RBFOX1: variants seen among roughly 807,000 people sequenced by gnomAD.
RBFOX1 encodes RNA binding protein fox-1 homolog 1.
A neutral mutation model predicts 57.7 loss-of-function variants in RBFOX1; 8 were observed. That is an observed-to-expected ratio of 0.14 (90% CI 0.08 to 0.25). The LOEUF is 0.25. Ranked by LOEUF, RBFOX1 falls within the 10% of genes least tolerant of loss-of-function variation. RBFOX1 has a pLI of 1.00. For missense variants in RBFOX1, 611 were observed against 548.5 expected (o/e 1.11, Z -1.14); for synonymous variants, 326 against 222.4 (o/e 1.47, Z -4.15).
chr16:7,000,596 C>CTTTTTTTTTTTTTTTTTTTTTTTTTT (rs759103545), intron 3 of RBFOX1, among the ~76,000 whole-genome samples: 37 of 92,592 alleles, frequency 4.0e-4, no homozygotes, highest in African/African-American at 5.1e-4. Context: ...CTTTTTCTTT[C>CTTTTTTTTTTTTTTTTTTTTTTTTTT]TTTTTTTTTT....
intron 5 of RBFOX1, among the ~76,000 whole-genome samples, chr16:7,543,481 G>GA (rs147011060): frequency 4.5e-4 from 69 of 152,278 alleles, no homozygotes; most frequent in Non-Finnish European, 8.7e-4. Context: ...AAAACTCCTG[G>GA]ATAAAGGTGA....
intron 4 of RBFOX1, among the ~76,000 whole-genome samples, chr16:7,148,058 C>G (rs1233499529): frequency 2.0e-5 from 3 of 152,154 alleles, no homozygotes; most frequent in East Asian, 1.9e-4. Context: ...TTCTCTTTAG[C>G]AGAACACTCA....
At chr16:6,011,432 G>C (rs990332762) in intron 4 of RBFOX1, among the ~76,000 whole-genome samples, 4 of 151,964 alleles carry the variant, frequency 2.6e-5, no homozygotes, top group Admixed American at 6.6e-5. Context: ...GGGTATATCA[G>C]ACTGTTAAAG....
chr16:6,994,720 A>G (rs190077561), intron 3 of RBFOX1, among the ~76,000 whole-genome samples: 168 of 152,326 alleles, frequency 1.1e-3, no homozygotes, highest in Middle Eastern at 3.4e-3. Context: ...TCCTGAAGCT[A>G]TCATATTCCA....
At chr16:5,928,491 A>C (rs1405835470) in intron 4 of RBFOX1, among the ~76,000 whole-genome samples, 1 of 152,162 alleles carries the variant, frequency 6.6e-6, no homozygotes, top group Non-Finnish European at 1.5e-5. Flanking sequence ...GGATGTATCA[A>C]AACATCATGT....
chr16:5,521,350 G>C (rs539518652), intron 2 of RBFOX1, among the ~76,000 whole-genome samples: 3 of 117,212 alleles, frequency 2.6e-5, no homozygotes, highest in East Asian at 4.9e-4. Context: ...AGCTTTTGCT[G>C]TTGGGGGTGG....
chr16:7,307,417 T>C (rs1412053028), intron 4 of RBFOX1, among the ~76,000 whole-genome samples: 1 of 152,246 alleles, frequency 6.6e-6, no homozygotes, highest in East Asian at 1.9e-4. Flanking sequence ...CTACTCTGAA[T>C]GGCCAAGTGT....
chr16:7,678,833 T>C (rs1366462975), intron 14 of RBFOX1, among the ~76,000 whole-genome samples: 1 of 152,216 alleles, frequency 6.6e-6, no homozygotes, highest in Non-Finnish European at 1.5e-5. Context: ...GATTTCTCAT[T>C]GGCAACATGT....
intron 9 of RBFOX1, among the ~76,000 whole-genome samples, chr16:7,606,697 G>C (rs2095298899): frequency 6.6e-6 from 1 of 152,150 alleles, no homozygotes; most frequent in Non-Finnish European, 1.5e-5. Context: ...AGTTACCTTA[G>C]ATATCATACA....
At chr16:5,674,974 G>A (rs1046986339) in intron 3 of RBFOX1, among the ~76,000 whole-genome samples, 5 of 151,994 alleles carry the variant, frequency 3.3e-5, no homozygotes, top group South Asian at 2.1e-4. Context: ...CAGCAAAACC[G>A]CGTCTCTCCG....
chr16:5,816,882 A>C (rs1319427354), intron 3 of RBFOX1, among the ~76,000 whole-genome samples: 1 of 152,212 alleles, frequency 6.6e-6, no homozygotes, highest in Non-Finnish European at 1.5e-5. Flanking sequence ...TTGTGTGTAC[A>C]TAGTAGGTGT....
intron 4 of RBFOX1, among the ~76,000 whole-genome samples, chr16:5,926,480 T>C (rs985199385): frequency 6.6e-6 from 1 of 152,148 alleles, no homozygotes; most frequent in Non-Finnish European, 1.5e-5. Flanking sequence ...CCAGAAGTCC[T>C]GCAGTGAGTG....
At chr16:5,678,973 T>C (rs1043160101) in intron 3 of RBFOX1, among the ~76,000 whole-genome samples, 6 of 152,206 alleles carry the variant, frequency 3.9e-5, no homozygotes, top group African/African-American at 1.2e-4. Flanking sequence ...GGGCTACATG[T>C]ATGCAGAATT....
intron 4 of RBFOX1, among the ~76,000 whole-genome samples, chr16:7,133,661 A>G (rs1481680210): frequency 6.6e-6 from 1 of 152,226 alleles, no homozygotes; most frequent in African/African-American, 2.4e-5. Flanking sequence ...GTATTGGTAG[A>G]AAGCAAAAGC....
intron 1 of RBFOX1, among the ~76,000 whole-genome samples, chr16:6,244,892 C>G (rs2097560724): frequency 6.6e-6 from 1 of 152,112 alleles, no homozygotes; most frequent in Non-Finnish European, 1.5e-5. Context: ...TTGCCACATT[C>G]TGGTGTCCTT....
intron 4 of RBFOX1, among the ~76,000 whole-genome samples, chr16:5,930,412 G>A: frequency 8.3e-6 from 1 of 120,292 alleles, no homozygotes; most frequent in Admixed American, 8.9e-5. Context: ...GTAGGTGGGA[G>A]GGTGGATGGA....
At chr16:5,430,323 G>T (rs1427480886) in intron 1 of RBFOX1, among the ~76,000 whole-genome samples, 1 of 152,158 alleles carries the variant, frequency 6.6e-6, no homozygotes, top group Non-Finnish European at 1.5e-5. Flanking sequence ...ATGGGAGTTA[G>T]CTGGGAACAG....
intron 4 of RBFOX1, among the ~76,000 whole-genome samples, chr16:7,486,964 A>G (rs928310808): frequency 1.3e-5 from 2 of 152,122 alleles, no homozygotes; most frequent in Non-Finnish European, 2.9e-5. Context: ...CAGTGGCACA[A>G]TCTCGGCTCA....
intron 2 of RBFOX1, among the ~76,000 whole-genome samples, chr16:6,349,333 T>A (rs2085892798): frequency 1.3e-5 from 2 of 152,186 alleles, no homozygotes; most frequent in African/African-American, 4.8e-5. Context: ...AGAAGTTTTG[T>A]CAGATAAAAG....
Sources: allele counts gnomAD v4.1 joint callset (sites outside exome capture counted in the v4.1 genomes callset), GRCh38; gene constraint gnomAD v4.1.1; transcripts MANE v1.5; gene names NCBI Gene and HGNC (gene_info 2026-07-23, HGNC 2026-07-21).